The following OR9Q1 variants were observed in gnomAD, a reference collection of about 807,000 sequenced individuals.
The protein encoded by OR9Q1 is olfactory receptor family 9 subfamily Q member 1, also known as olfactory receptor 9Q1.
For missense variants in OR9Q1, 374 were observed against 378.8 expected, an observed-to-expected ratio of 0.99 and a Z score of 0.11; for synonymous variants, 153 against 148.6, an observed-to-expected ratio of 1.03 and a Z score of -0.22.
chr11:58,107,783 A>G (rs568790322), intron 2 of OR9Q1, among the ~76,000 whole-genome samples: 6 of 152,290 alleles, frequency 3.9e-5, no homozygotes, highest in African/African-American at 1.2e-4. Context: ...AATGTATAGT[A>G]GTTTTCAGTG....
chr11:58,079,824 A>G lies in OR9Q1; in HGVS notation c.-15+23877A>G, dbSNP rs564441374. ...AGGCTCATACCTGGCAGAGAACTAC[A>G]GGCAAATGAGCATATCCAACCAATA... is the stretch of plus-strand genomic sequence containing the variant. On this transcript the variant is annotated intron_variant, in intron 2 of 2. Transcript: ENST00000335397. Among the ~76,000 whole-genome samples the G allele has an allele frequency of 1.2e-4, 19 of 152,296 alleles. No individual in the cohort carries two copies. The East Asian group carries it at 3.7e-3, about 29-fold the overall frequency.
chr11:58,034,652 A>T (rs1174963104), intron 1 of OR9Q1, among the ~76,000 whole-genome samples: 1 of 152,066 alleles, frequency 6.6e-6, no homozygotes, highest in African/African-American at 2.4e-5. Flanking sequence ...TGTTATTTAC[A>T]TGGTCAATAC....
At chr11:58,083,724 C>T (rs897909070) in intron 2 of OR9Q1, among the ~76,000 whole-genome samples, 1 of 151,784 alleles carries the variant, frequency 6.6e-6, no homozygotes, top group Admixed American at 6.6e-5. Flanking sequence ...GAATCTTTTC[C>T]TCATTGCTTG....
intron 2 of OR9Q1, among the ~76,000 whole-genome samples, chr11:58,151,315 G>T (rs1463059875): frequency 6.6e-6 from 1 of 152,100 alleles, no homozygotes; most frequent in Non-Finnish European, 1.5e-5. Context: ...TTTTACCAGT[G>T]GGGCAAATGA....
chr11:58,118,463 G>A, intron 2 of OR9Q1: 1 of 1,367,428 alleles, frequency 7.3e-7, no homozygotes, highest in Non-Finnish European at 1.0e-6. Context: ...CATATGGGAA[G>A]AAAGTGGACT....
At chr11:58,119,071 G>A (rs748178241) in intron 2 of OR9Q1, 1 of 1,613,990 alleles carries the variant, frequency 6.2e-7, no homozygotes, top group Non-Finnish European at 8.5e-7. Flanking sequence ...GTTGCGAATG[G>A]CAGCATAGCG....
intron 1 of OR9Q1, chr11:58,031,636 A>G (rs1565054014): frequency 3.1e-6 from 5 of 1,613,928 alleles, no homozygotes; most frequent in Non-Finnish European, 3.4e-6. Flanking sequence ...TCGTCTGGAC[A>G]CTGCTGCACA....
At chr11:58,083,427 G>A (rs1433479059) in intron 2 of OR9Q1, among the ~76,000 whole-genome samples, 1 of 151,936 alleles carries the variant, frequency 6.6e-6, no homozygotes, top group African/African-American at 2.4e-5. Context: ...TGTTTACTGT[G>A]TAGATAGTTT....
chr11:58,118,829 C>A, intron 2 of OR9Q1: 1 of 1,614,022 alleles, frequency 6.2e-7, no homozygotes, highest in Non-Finnish European at 8.5e-7. Flanking sequence ...GCCAAAATCA[C>A]AAAATTGCCA....
At chr11:58,025,243 A>C (rs1852959872) in intron 1 of OR9Q1, among the ~76,000 whole-genome samples, 1 of 152,112 alleles carries the variant, frequency 6.6e-6, no homozygotes. Flanking sequence ...GCGCGATCTC[A>C]GCTCACTGCA....
intron 1 of OR9Q1, among the ~76,000 whole-genome samples, chr11:58,032,565 T>G (rs890060137): frequency 7.2e-5 from 11 of 152,214 alleles, no homozygotes; most frequent in African/African-American, 2.7e-4. Context: ...GCTAGCCATA[T>G]GCAGAAGACT....
chr11:58,089,560 T>C lies in OR9Q1; in HGVS notation c.-15+33613T>C, dbSNP rs57476460. 2.0e-4 allele frequency among the ~76,000 whole-genome samples: 31 copies of C among 152,016 alleles called. No homozygotes were observed. The East Asian group carries it at 5.8e-3, about 28-fold the overall frequency. ...ATGCTTTTTGATTACTGTAGCCTTGTAGTATAGTTTGAAGTCAGGCAGCAT... is the reference window on the plus strand; with the variant it reads ...ATGCTTTTTGATTACTGTAGCCTTGCAGTATAGTTTGAAGTCAGGCAGCAT... On this transcript the variant is annotated intron_variant, in intron 2 of 2. Transcript: ENST00000335397.
chr11:58,108,950 A>G, intron 2 of OR9Q1: 1 of 381,742 alleles, frequency 2.6e-6, no homozygotes, highest in South Asian at 1.9e-5. Flanking sequence ...CAGGTGGAGA[A>G]GGTCTTGGCT....
chr11:58,129,670 C>T (rs996663505), intron 2 of OR9Q1, among the ~76,000 whole-genome samples: 3 of 152,152 alleles, frequency 2.0e-5, no homozygotes, highest in Non-Finnish European at 4.4e-5. Context: ...CTTGTGTCTT[C>T]TTTTCATGCA....
chr11:58,032,607 A>C (rs1490797582), intron 1 of OR9Q1, among the ~76,000 whole-genome samples: 2 of 152,224 alleles, frequency 1.3e-5, no homozygotes, highest in East Asian at 3.8e-4. Context: ...ACCATATTCA[A>C]AAATTAAGAT....
chr11:58,076,418 C>T (rs1853539323), intron 2 of OR9Q1, among the ~76,000 whole-genome samples: 1 of 152,154 alleles, frequency 6.6e-6, no homozygotes, highest in South Asian at 2.1e-4. Flanking sequence ...GTGCCCATTT[C>T]CTGGCTAGCT....
At chr11:58,031,900 A>C (rs768616889) in intron 1 of OR9Q1, 13 of 1,598,386 alleles carry the variant, frequency 8.1e-6, no homozygotes, top group Non-Finnish European at 1.0e-5. Context: ...TTTGGAAGGG[A>C]CAGTGAGGAG....
At chr11:58,042,805 A>C (rs918461819) in intron 1 of OR9Q1, among the ~76,000 whole-genome samples, 1 of 152,052 alleles carries the variant, frequency 6.6e-6, no homozygotes, top group Non-Finnish European at 1.5e-5. Context: ...ATTCGTTTGT[A>C]TCCTCTTTTA....
intron 2 of OR9Q1, among the ~76,000 whole-genome samples, chr11:58,098,641 C>CAAAT (rs766797662): frequency 3.9e-5 from 6 of 152,186 alleles, no homozygotes; most frequent in African/African-American, 9.6e-5. Context: ...CTAAAATAAA[C>CAAAT]AAATAAATAA....
Sources: gnomAD v4.1 joint callset for allele counts (sites outside exome capture counted in the v4.1 genomes callset) on GRCh38, gnomAD v4.1.1 for gene constraint, MANE v1.5 for transcripts, NCBI Gene and HGNC (gene_info 2026-07-23, HGNC 2026-07-21) for gene names.